ATXN1: variants seen among roughly 807,000 people sequenced by gnomAD.
ATXN1 encodes the protein ataxin-1.
Under a neutral mutation model 56.4 loss-of-function variants are expected in ATXN1, and 8 were observed. The ratio of observed to expected loss-of-function variants is 0.14; its 90% CI spans 0.08 to 0.26. ATXN1 has a LOEUF of 0.26. ATXN1 is among the 10% of genes least tolerant of loss of function. The probability of loss-of-function intolerance (pLI) is 1.00; values close to 1 mark genes in which losing one functional copy is unlikely to be tolerated. For missense variants in ATXN1, 987 were observed against 1,106.5 expected, an observed-to-expected ratio of 0.89 and a Z score of 1.53; for synonymous variants, 514 against 494.6, an observed-to-expected ratio of 1.04 and a Z score of -0.52.
chr6:16,608,534 C>T (rs776518214), intron 3 of ATXN1, among the ~76,000 whole-genome samples: 1 of 152,172 alleles, frequency 6.6e-6, no homozygotes, highest in Non-Finnish European at 1.5e-5. Context: ...AGTAGGAGAG[C>T]GCCTGCAAGG....
intron 3 of ATXN1, among the ~76,000 whole-genome samples, chr6:16,618,494 G>A (rs1235908333): frequency 6.6e-6 from 1 of 152,190 alleles, no homozygotes; most frequent in Non-Finnish European, 1.5e-5. Flanking sequence ...ACTTTGGGAG[G>A]CCGAGGCAGA....
chr6:16,639,313 A>G (rs542771143), intron 3 of ATXN1, among the ~76,000 whole-genome samples: 1 of 152,244 alleles, frequency 6.6e-6, no homozygotes, highest in East Asian at 1.9e-4. Context: ...ACTCACTGTG[A>G]AGGTCCGTGG....
intron 6 of ATXN1, among the ~76,000 whole-genome samples, chr6:16,474,819 A>G (rs1484295524): frequency 6.7e-6 from 1 of 149,558 alleles, no homozygotes; most frequent in Non-Finnish European, 1.5e-5. Flanking sequence ...CCTAGCCTGT[A>G]GCATATGTGT....
chr6:16,622,505 C>T (rs1205167877), intron 3 of ATXN1, among the ~76,000 whole-genome samples: 1 of 152,242 alleles, frequency 6.6e-6, no homozygotes, highest in East Asian at 1.9e-4. Context: ...ACAGGAAGTA[C>T]TAATTAGAAT....
chr6:16,745,932 C>CTG (rs1760517137), intron 2 of ATXN1, among the ~76,000 whole-genome samples: 5 of 84,894 alleles, frequency 5.9e-5, no homozygotes, highest in Admixed American at 5.3e-4. Flanking sequence ...GCTATGCCTT[C>CTG]CGTGTGTGTG....
intron 4 of ATXN1, among the ~76,000 whole-genome samples, chr6:16,564,152 T>C (rs1762171579): frequency 6.6e-6 from 1 of 152,156 alleles, no homozygotes; most frequent in Non-Finnish European, 1.5e-5. Flanking sequence ...TTGTAACACA[T>C]ACATGATGCT....
intron 6 of ATXN1, among the ~76,000 whole-genome samples, chr6:16,435,879 T>C (rs552973880): frequency 1.3e-5 from 2 of 152,218 alleles, no homozygotes; most frequent in South Asian, 4.1e-4. Flanking sequence ...ACCTACTAGG[T>C]TGCTGTGAGG....
chr6:16,644,288 G>T (rs1022975165), intron 3 of ATXN1, among the ~76,000 whole-genome samples: 2 of 152,134 alleles, frequency 1.3e-5, no homozygotes, highest in Non-Finnish European at 2.9e-5. Context: ...AGGCTGAGGC[G>T]GGCAGATCAC....
chr6:16,481,740 C>T (rs931713228), intron 6 of ATXN1, among the ~76,000 whole-genome samples: 2 of 151,976 alleles, frequency 1.3e-5, no homozygotes, highest in African/African-American at 2.4e-5. Flanking sequence ...AAGGTGTGCA[C>T]TAGAATGAAG....
chr6:16,436,772 A>G (rs1220601030), intron 6 of ATXN1, among the ~76,000 whole-genome samples: 1 of 152,098 alleles, frequency 6.6e-6, no homozygotes, highest in Non-Finnish European at 1.5e-5. Flanking sequence ...TGAGGTCCTT[A>G]CTCTGAGTGA....
intron 6 of ATXN1, among the ~76,000 whole-genome samples, chr6:16,329,010 C>G (rs1013844884): frequency 1.4e-4 from 22 of 151,990 alleles, no homozygotes; most frequent in African/African-American, 5.1e-4. Flanking sequence ...TATGAAGACA[C>G]TGGGCAAGTG....
chr6:16,554,863 T>C (rs1761983878), intron 4 of ATXN1, among the ~76,000 whole-genome samples: 1 of 152,228 alleles, frequency 6.6e-6, no homozygotes. Flanking sequence ...AGTGCTGAGA[T>C]TACAAGCATG....
At chr6:16,554,923 G>T (rs551639532) in intron 4 of ATXN1, among the ~76,000 whole-genome samples, 10 of 152,028 alleles carry the variant, frequency 6.6e-5, no homozygotes, top group Admixed American at 6.5e-4. Flanking sequence ...CTCCATCATC[G>T]TGACTATAGT....
intron 3 of ATXN1, among the ~76,000 whole-genome samples, chr6:16,636,606 T>G (rs1295835382): frequency 6.6e-6 from 1 of 152,242 alleles, no homozygotes; most frequent in Non-Finnish European, 1.5e-5. Context: ...CACCTCCTTA[T>G]GGCTACTAAC....
chr6:16,570,479 T>C (rs546377174), intron 4 of ATXN1, among the ~76,000 whole-genome samples: 1 of 152,254 alleles, frequency 6.6e-6, no homozygotes, highest in South Asian at 2.1e-4. Flanking sequence ...CATTTCCAGG[T>C]TTCAAGTAGG....
intron 3 of ATXN1, among the ~76,000 whole-genome samples, chr6:16,625,228 A>G (rs535521027): frequency 3.9e-5 from 6 of 152,362 alleles, no homozygotes; most frequent in East Asian, 1.9e-4. Context: ...GCAGAAGTGA[A>G]GAAGAGAGTA....
intron 2 of ATXN1, among the ~76,000 whole-genome samples, chr6:16,675,992 C>T (rs1758653787): frequency 6.6e-6 from 1 of 152,138 alleles, no homozygotes; most frequent in African/African-American, 2.4e-5. Context: ...CATCATCATA[C>T]ATGTCTCCAA....
chr6:16,454,545 T>C (rs1348846658), intron 6 of ATXN1, among the ~76,000 whole-genome samples: 2 of 152,158 alleles, frequency 1.3e-5, no homozygotes, highest in East Asian at 3.8e-4. Context: ...TTATCTACAG[T>C]GTAGCCAATG....
chr6:16,314,109 A>G (rs981762363), intron 7 of ATXN1, among the ~76,000 whole-genome samples: 2 of 152,206 alleles, frequency 1.3e-5, no homozygotes, highest in Admixed American at 6.5e-5. Context: ...TGCCAGCCCA[A>G]TGCTAGTTTT....
Sources: gnomAD v4.1 joint callset for allele counts (sites outside exome capture counted in the v4.1 genomes callset) on GRCh38, gnomAD v4.1.1 for gene constraint, MANE v1.5 for transcripts, NCBI Gene and HGNC (gene_info 2026-07-23, HGNC 2026-07-21) for gene names.